Variants in SMAD4 observed in about 807,000 individuals in gnomAD.
The protein encoded by SMAD4 is MAD homolog 4.
A neutral mutation model predicts 63.2 loss-of-function variants in SMAD4; 7 were observed. That is an observed-to-expected ratio of 0.11 (90% CI 0.06 to 0.21). The LOEUF (loss-of-function observed/expected upper bound fraction) is 0.21. SMAD4 is among the 10% of genes least tolerant of loss of function. The probability of loss-of-function intolerance (pLI) is 1.00; values close to 1 mark genes in which losing one functional copy is unlikely to be tolerated. For synonymous variants in SMAD4, 215 were observed against 235.4 expected (o/e 0.91, Z 0.79); for missense variants, 312 against 693.8 (o/e 0.45, Z 6.18).
intron 7 of SMAD4, 45 bp downstream of exon 7, chr18:51,058,501 T>TTG: frequency 1.7e-6 from 2 of 1,201,882 alleles, no homozygotes; most frequent in South Asian, 1.3e-5. Context: ...TTTTTTTTTT[T>TTG]GGTAGGGCTT....
intron 3 of SMAD4, 61 bp downstream of exon 3, chr18:51,048,921 C>A (rs1909626574): frequency 7.0e-7 from 1 of 1,428,150 alleles, no homozygotes; most frequent in Non-Finnish European, 9.8e-7. Flanking sequence ...AATAGTGTTT[C>A]AATTTTTGTA....
At chr18:51,057,982 C>T (rs2144426040) in intron 5 of SMAD4, 143 bp from the exon 6 acceptor site, 1 of 921,364 alleles carries the variant, frequency 1.1e-6, no homozygotes, top group Middle Eastern at 3.1e-4. Context: ...AGGTTTTTTA[C>T]CTGATAGGCC....
intron 8 of SMAD4, among the ~76,000 whole-genome samples, chr18:51,064,292 TC>T (rs1321413735): frequency 1.3e-5 from 2 of 152,212 alleles, no homozygotes. Context: ...GTTATTCAGG[TC>T]CCATCTTTTC....
In SMAD4 at chr18:51,065,410, T is replaced by A; in HGVS notation, c.956-13T>A. 6.2e-7 allele frequency: 1 copy of A among 1,609,342 alleles called. No homozygotes were observed. The highest frequency in any genetic ancestry group is 8.5e-7 in the Non-Finnish European group (1 of 1,175,690). On this transcript the variant is annotated splice_polypyrimidine_tract_variant and intron_variant, in intron 8 of 11. Coordinates refer to ENST00000342988, the MANE Select transcript of SMAD4 (RefSeq NM_005359.6). ...CTCATGGGAGGATGTTCTTTCCCAT[T>A]TATTTCCTATAGCTCCTGAGTATTG...
intron 10 of SMAD4, among the ~76,000 whole-genome samples, chr18:51,074,090 T>C (rs1910408477): frequency 6.6e-6 from 1 of 151,468 alleles, no homozygotes; most frequent in African/African-American, 2.4e-5. Context: ...ATGGGCAGAA[T>C]AGACTGGGCA....
chr18:51,042,599 G>A (rs1383194613), intron 1 of SMAD4, among the ~76,000 whole-genome samples: 8 of 184 alleles, frequency 0.043, no homozygotes, highest in African/African-American at 0.11. Context: ...CCTGGCAACC[G>A]TGCCTTTGTT....
At chr18:51,052,236 T>C (rs1227174521) in intron 4 of SMAD4, 2 of 152,586 alleles carry the variant, frequency 1.3e-5, no homozygotes, top group Non-Finnish European at 2.9e-5. Flanking sequence ...TTCTGAGTAT[T>C]GTGTCATCAT....
intron 1 of SMAD4, among the ~76,000 whole-genome samples, chr18:51,041,359 A>G (rs1909376676): frequency 6.6e-6 from 1 of 152,192 alleles, no homozygotes; most frequent in Admixed American, 6.5e-5. Flanking sequence ...GTCCCCTGGC[A>G]CATGGTAGTA....
At chr18:51,042,783 C>T (rs1342101398) in intron 1 of SMAD4, among the ~76,000 whole-genome samples, 1 of 152,164 alleles carries the variant, frequency 6.6e-6, no homozygotes, top group African/African-American at 2.4e-5. Context: ...CTCACCGTAG[C>T]CTTGGTCTCC....
At chr18:51,073,426 CACACACA>C in intron 10 of SMAD4, among the ~76,000 whole-genome samples, 1 of 129,418 alleles carries the variant, frequency 7.7e-6, no homozygotes, top group African/African-American at 2.8e-5. Flanking sequence ...CACACACACA[CACACACA>C]CCATACTTGG....
At position 51,054,978 on chromosome 18, in the gene SMAD4, C is replaced by A. The variant is rs1345146274; in HGVS notation, c.652C>A (p.Pro218Thr). The A allele has an allele frequency of 8.7e-6, 14 of 1,613,340 alleles. No homozygotes were observed. The highest frequency in any genetic ancestry group is 9.3e-6 in the Non-Finnish European group (11 of 1,179,396). ...ATSTANFPNI[P>T]VASTSQPASI... ...CAGCACTGCCAACTTTCCCAACATT[C>A]CTGTGGCTTCCACAAGTGAGTTCTA... is the stretch of plus-strand genomic sequence containing the variant. Residue 218 changes from proline (P) to threonine (T), a missense_variant, in exon 5 of 12, where the codon CCT (proline) becomes ACT (threonine). Pro to Thr is a conservative substitution (Grantham distance 38). Coordinates refer to ENST00000342988, the MANE Select transcript of SMAD4 (RefSeq NM_005359.6).
At chr18:51,070,341 A>G (rs1364841359) in intron 10 of SMAD4, among the ~76,000 whole-genome samples, 2 of 152,250 alleles carry the variant, frequency 1.3e-5, no homozygotes, top group African/African-American at 4.8e-5. Context: ...GTGTGAGACA[A>G]GTCATCACTT....
At chr18:51,062,104 G>A (rs1412569339) in intron 8 of SMAD4, among the ~76,000 whole-genome samples, 2 of 152,104 alleles carry the variant, frequency 1.3e-5, no homozygotes. Flanking sequence ...ACTTGTTCTG[G>A]TTAGGGAAAA....
intron 10 of SMAD4, among the ~76,000 whole-genome samples, chr18:51,074,977 T>A (rs1178456754): frequency 6.6e-6 from 1 of 152,210 alleles, no homozygotes; most frequent in African/African-American, 2.4e-5. Context: ...CCCAAAGTGC[T>A]GGGATTACAG....
chr18:51,059,609 A>G (rs1273858754), intron 7 of SMAD4, among the ~76,000 whole-genome samples: 3 of 152,232 alleles, frequency 2.0e-5, no homozygotes, highest in African/African-American at 4.8e-5. Context: ...AATGTTGGAT[A>G]TAAAATTATG....
In SMAD4 at chr18:51,080,705, C is replaced by G. The variant is rs1910592407; in HGVS notation, c.*2238C>G. On this transcript the variant is annotated 3_prime_UTR_variant, in exon 12 of 12. Coordinates refer to ENST00000342988, the MANE Select transcript of SMAD4 (RefSeq NM_005359.6). ...TACAGGTGCCCGCCACCATGCCTGGCTAACTTTTGTAGTTTTAGTAGAGAC... is the reference window on the plus strand; with the variant it reads ...TACAGGTGCCCGCCACCATGCCTGGGTAACTTTTGTAGTTTTAGTAGAGAC... 2 of 174,120 alleles carry G rather than the reference C, an allele frequency of 1.1e-5. No homozygotes were observed. Among genetic ancestry groups the G allele is most frequent in the Non-Finnish European group, 2.5e-5 (2 of 80,630 alleles). 10.8% of individuals were successfully genotyped at this position (174,120 alleles called of 1,614,324 possible).
intron 10 of SMAD4, among the ~76,000 whole-genome samples, chr18:51,068,861 C>T (rs961558836): frequency 1.2e-4 from 19 of 152,152 alleles, no homozygotes; most frequent in African/African-American, 3.4e-4. Flanking sequence ...TTCAAGGCTG[C>T]GGAGAGCCAT....
In SMAD4 at chr18:51,079,443, A is replaced by G. The variant is rs1163123489; in HGVS notation, c.*976A>G. On this transcript the variant is annotated 3_prime_UTR_variant, in exon 12 of 12. Transcript: ENST00000342988. Reference sequence around the variant, plus strand: ...TGGAAACTGCTAAATTCTATGTTAAATACTGTGCAGAATAATGGAAACATT... The same window carrying G: ...TGGAAACTGCTAAATTCTATGTTAAGTACTGTGCAGAATAATGGAAACATT... 4.3e-6 allele frequency: 1 copy of G among 233,384 alleles called. No homozygotes were observed. Among genetic ancestry groups the G allele is most frequent in the Non-Finnish European group, 8.5e-6 (1 of 117,944 alleles). 14.5% of individuals were successfully genotyped at this position (233,384 alleles called of 1,614,324 possible). A position where few individuals can be genotyped will look rare whatever the true frequency, so the allele number is the denominator to read the frequency against.
chr18:51,034,440 G>T (rs1312518491), intron 1 of SMAD4, among the ~76,000 whole-genome samples: 1 of 151,998 alleles, frequency 6.6e-6, no homozygotes, highest in Non-Finnish European at 1.5e-5. Flanking sequence ...GTAGAGGACG[G>T]GGTTTCACCA....
Sources: gnomAD v4.1 joint callset for allele counts (sites outside exome capture counted in the v4.1 genomes callset) on GRCh38, gnomAD v4.1.1 for gene constraint, MANE v1.5 for transcripts, NCBI Gene and HGNC (gene_info 2026-07-23, HGNC 2026-07-21) for gene names.